The following LPP variants were observed in gnomAD, a reference collection of about 807,000 sequenced individuals.
LPP encodes LIM domain containing preferred translocation partner in lipoma.
A neutral mutation model predicts 60.4 loss-of-function variants in LPP; 38 were observed. That is an observed-to-expected ratio of 0.63 (90% confidence interval 0.49 to 0.83). The LOEUF (loss-of-function observed/expected upper bound fraction) is 0.83, where lower values mean the gene tolerates loss of function less well. LPP is among the 40% of genes least tolerant of loss of function. The pLI is 0.00. For synonymous variants in LPP, 328 were observed against 290.8 expected (o/e 1.13, Z -1.30); for missense variants, 902 against 783.6 (o/e 1.15, Z -1.80).
At chr3:188,468,685 T>C (rs1467212309) in intron 4 of LPP, among the ~76,000 whole-genome samples, 1 of 152,150 alleles carries the variant, frequency 6.6e-6, no homozygotes, top group East Asian at 1.9e-4. Flanking sequence ...TGTCACCATG[T>C]CCTTGGCAAA....
intron 4 of LPP, among the ~76,000 whole-genome samples, chr3:188,415,775 C>G: frequency 2.2e-4 from 29 of 133,650 alleles, no homozygotes; most frequent in Non-Finnish European, 3.1e-4. Context: ...ATGGGTGGGT[C>G]GGGGGGGGGC....
chr3:188,523,918 G>C (rs1819718663), intron 5 of LPP, among the ~76,000 whole-genome samples: 1 of 82,088 alleles, frequency 1.2e-5, no homozygotes, highest in Non-Finnish European at 2.7e-5. Flanking sequence ...CAGATTCTTT[G>C]CTTCTTTTTC....
chr3:188,723,437 A>G (rs1218758703), intron 8 of LPP, among the ~76,000 whole-genome samples: 2 of 152,152 alleles, frequency 1.3e-5, no homozygotes, highest in Non-Finnish European at 2.9e-5. Context: ...TTGCTTCTCA[A>G]ACCATTCAGA....
chr3:188,554,226 A>G (rs529768761), intron 6 of LPP: 13 of 152,234 alleles, frequency 8.5e-5, no homozygotes, highest in African/African-American at 3.1e-4. Context: ...AGTTGATAAT[A>G]TCTACCACCC....
At chr3:188,180,748 A>T (rs1269624873) in intron 1 of LPP, 2 of 151,390 alleles carry the variant, frequency 1.3e-5, no homozygotes, top group Admixed American at 1.3e-4. Flanking sequence ...ACATTTTCAT[A>T]TCTTGCCACT....
intron 2 of LPP, among the ~76,000 whole-genome samples, chr3:188,239,217 G>T (rs1044808542): frequency 3.9e-5 from 6 of 152,198 alleles, no homozygotes; most frequent in Admixed American, 2.6e-4. Context: ...GGATGCCTGG[G>T]CCCTGGGTGC....
intron 3 of LPP, among the ~76,000 whole-genome samples, chr3:188,387,457 C>A (rs576864261): frequency 6.6e-6 from 1 of 152,010 alleles, no homozygotes; most frequent in African/African-American, 2.4e-5. Context: ...TTAATTGTTT[C>A]ATTATTTGAA....
intron 5 of LPP, among the ~76,000 whole-genome samples, chr3:188,523,539 G>A (rs926889624): frequency 3.9e-5 from 6 of 152,154 alleles, no homozygotes; most frequent in Non-Finnish European, 8.8e-5. Context: ...TCACTAAAAC[G>A]ACAGATTGAC....
At chr3:188,368,682 T>TCACACA (rs1289084950) in intron 3 of LPP, among the ~76,000 whole-genome samples, 2 of 129,432 alleles carry the variant, frequency 1.5e-5, no homozygotes, top group African/African-American at 5.6e-5. Flanking sequence ...ACACACACTC[T>TCACACA]CACACACACA....
chr3:188,522,796 T>TATATAC (rs1553920193), intron 5 of LPP, among the ~76,000 whole-genome samples: 1 of 144,230 alleles, frequency 6.9e-6, no homozygotes, highest in Non-Finnish European at 1.5e-5. Context: ...TATATATATA[T>TATATAC]ATATATATAT....
intron 7 of LPP, among the ~76,000 whole-genome samples, chr3:188,613,314 A>ATCTATATCTATATCTATACC (rs1379478231): frequency 4.2e-5 from 6 of 144,356 alleles, no homozygotes; most frequent in Admixed American, 1.4e-4. Flanking sequence ...CTATATCTAT[A>ATCTATATCTATATCTATACC]TATATCGCTG....
At chr3:188,738,266 AAC>A (rs1365374458) in intron 8 of LPP, among the ~76,000 whole-genome samples, 1 of 152,130 alleles carries the variant, frequency 6.6e-6, no homozygotes, top group African/African-American at 2.4e-5. Context: ...AACAACAATA[AAC>A]ACAGTATTAT....
In LPP at chr3:188,760,286, A is replaced by G; in HGVS notation, c.1410+4A>G. On this transcript the variant is annotated splice_donor_region_variant and intron_variant, in intron 9 of 11. Coordinates refer to ENST00000617246, the MANE Select transcript of LPP (RefSeq NM_001375462.1). ...ATACTGCGAGCCCTGCTACATTGTA[A>G]GTTCCAGATTTGTTCCTCAAGCACT... 6.2e-7 allele frequency: 1 copy of G among 1,614,028 alleles called. No homozygotes were observed. Among genetic ancestry groups the G allele is most frequent in the Non-Finnish European group, 8.5e-7 (1 of 1,179,962 alleles).
At chr3:188,523,898 A>G (rs115055038) in intron 5 of LPP, among the ~76,000 whole-genome samples, 1 of 25,920 alleles carries the variant, frequency 3.9e-5, no homozygotes, top group Non-Finnish European at 9.1e-5. Flanking sequence ...ATCTCACTTT[A>G]TAATCCAGAC....
At chr3:188,589,890 G>C (rs1838297786) in intron 6 of LPP, among the ~76,000 whole-genome samples, 1 of 152,122 alleles carries the variant, frequency 6.6e-6, no homozygotes, top group Non-Finnish European at 1.5e-5. Context: ...AAAAGATGAA[G>C]GTTTTGCTAT....
At chr3:188,405,840 C>A (rs919899829) in intron 3 of LPP, among the ~76,000 whole-genome samples, 6 of 151,994 alleles carry the variant, frequency 3.9e-5, no homozygotes, top group African/African-American at 1.4e-4. Flanking sequence ...GGGAGATATT[C>A]AAGTTTGAGG....
rs913371438 is a variant in LPP at position 188,880,005 on chromosome 3, T to C, written c.*5526T>C. 5.6e-6 allele frequency: 1 copy of C among 177,408 alleles called. No individual in the cohort carries two copies. The highest frequency in any genetic ancestry group is 2.4e-5 in the African/African-American group (1 of 42,132). 11.0% of individuals were successfully genotyped at this position (177,408 alleles called of 1,614,324 possible). ...ATGTCCCTTATTTTGTGGAGAGCTG[T>C]GTGAAAGATGCGTTTTTTTTCTTTT... On this transcript the variant is annotated 3_prime_UTR_variant, in exon 12 of 12. Transcript: ENST00000617246.
intron 6 of LPP, among the ~76,000 whole-genome samples, chr3:188,600,088 A>C (rs1840821071): frequency 6.6e-6 from 1 of 151,420 alleles, no homozygotes; most frequent in Non-Finnish European, 1.5e-5. Flanking sequence ...AACCATTTTT[A>C]ATTTTCTGCT....
rs1769096690 is a variant in LPP at position 188,875,093 on chromosome 3, T to G, written c.*614T>G. ...AAATTTAATTTGCAACCATCAGAAT[T>G]CAGAATCTATAGTGACCAGTGATCA... On this transcript the variant is annotated 3_prime_UTR_variant, in exon 12 of 12. Transcript: ENST00000617246. 4.6e-6 allele frequency: 1 copy of G among 219,384 alleles called. No individual in the cohort carries two copies. The highest frequency in any genetic ancestry group is 9.1e-6 in the Non-Finnish European group (1 of 109,384). 13.6% of individuals were successfully genotyped at this position (219,384 alleles called of 1,614,324 possible).
Sources: gnomAD v4.1 joint callset for allele counts (sites outside exome capture counted in the v4.1 genomes callset) on GRCh38, gnomAD v4.1.1 for gene constraint, MANE v1.5 for transcripts, NCBI Gene and HGNC (gene_info 2026-07-23, HGNC 2026-07-21) for gene names.